SH3D19: variants seen among roughly 807,000 people sequenced by gnomAD.
SH3D19 encodes SH3 domain containing 19.
SH3D19 carries 58 observed loss-of-function variants against 112.1 expected under a neutral mutation model. The ratio of observed to expected loss-of-function variants is 0.52; its 90% CI spans 0.42 to 0.64. SH3D19 has a LOEUF of 0.64. Among genes scored for constraint, SH3D19 ranks in the 30% least tolerant of loss-of-function variants. The pLI, the probability that SH3D19 is intolerant of heterozygous loss-of-function variation, is 0.00. For synonymous variants in SH3D19, 391 were observed against 448.5 expected (o/e 0.87, Z 1.62); for missense variants, 1,090 against 1,263.4 (o/e 0.86, Z 2.08).
intron 1 of SH3D19, among the ~76,000 whole-genome samples, chr4:151,237,506 G>A (rs1471248211): frequency 1.4e-5 from 2 of 147,650 alleles, no homozygotes. Flanking sequence ...GATGTTAAAA[G>A]CAGGAACTCT....
At chr4:151,133,358 C>T in intron 15 of SH3D19, 122 bp from the exon 16 acceptor site, 1 of 764,600 alleles carries the variant, frequency 1.3e-6, no homozygotes, top group South Asian at 1.9e-5. Context: ...GTATACTAGG[C>T]TAATTTGAAA....
chr4:151,261,751 T>C (rs1772392468), intron 1 of SH3D19, among the ~76,000 whole-genome samples: 1 of 152,244 alleles, frequency 6.6e-6, no homozygotes, highest in South Asian at 2.1e-4. Flanking sequence ...TGTTTAGCAA[T>C]AGTGCTGAGA....
At chr4:151,258,296 C>T (rs769125982) in intron 1 of SH3D19, among the ~76,000 whole-genome samples, 2 of 152,210 alleles carry the variant, frequency 1.3e-5, no homozygotes, top group Non-Finnish European at 2.9e-5. Flanking sequence ...AGAAAACTGA[C>T]TGGTTTATTT....
In SH3D19 at chr4:151,148,962, C is replaced by T. The variant is rs189620868; in HGVS notation, c.1817+538G>A. Among the ~76,000 whole-genome samples the T allele has an allele frequency of 8.5e-5, 13 of 152,122 alleles. No homozygotes were observed. In the East Asian group the frequency reaches 2.1e-3, roughly 25 times the overall value. Reference sequence around the variant, plus strand: ...CTGAGGCAGGAGAATCGCTTGAACCCGGGAGGCGGAGGTTGCAGTGAGCTG... The same window carrying T: ...CTGAGGCAGGAGAATCGCTTGAACCTGGGAGGCGGAGGTTGCAGTGAGCTG... On this transcript the variant is annotated intron_variant, in intron 10 of 19. Coordinates refer to ENST00000604030, the MANE Select transcript of SH3D19 (RefSeq NM_001378122.1).
chr4:151,221,174 A>G (rs887659193), intron 2 of SH3D19, among the ~76,000 whole-genome samples: 1 of 152,178 alleles, frequency 6.6e-6, no homozygotes, highest in African/African-American at 2.4e-5. Flanking sequence ...AGATTTATTC[A>G]CCTCTTACTA....
rs533800957 is a variant in SH3D19 at position 151,313,554 on chromosome 4, C to T, written c.112+11687G>A. On this transcript the variant is annotated intron_variant, in intron 1 of 19. Coordinates refer to ENST00000604030, the MANE Select transcript of SH3D19 (RefSeq NM_001378122.1). ...CCCTCACTCTCCTGAGTAGCTGGGA[C>T]TACAGGCACACACCACTGCGCCCAC... 4.7e-4 allele frequency among the ~76,000 whole-genome samples: 72 copies of T among 152,222 alleles called. No homozygotes were observed. The South Asian group carries it at 0.015, about 31-fold the overall frequency.
chr4:151,188,229 A>T (rs559460958), intron 2 of SH3D19, among the ~76,000 whole-genome samples: 1 of 152,246 alleles, frequency 6.6e-6, no homozygotes, highest in Non-Finnish European at 1.5e-5. Flanking sequence ...TGTGTTATAC[A>T]GAGGGAAAGA....
intron 1 of SH3D19, among the ~76,000 whole-genome samples, chr4:151,228,507 A>G (rs1769320450): frequency 6.8e-6 from 1 of 145,992 alleles, no homozygotes; most frequent in Non-Finnish European, 1.5e-5. Context: ...TGTGTGTCTT[A>G]TATACTTATA....
intron 9 of SH3D19, among the ~76,000 whole-genome samples, chr4:151,155,173 T>C (rs1193770416): frequency 2.0e-5 from 3 of 152,222 alleles, no homozygotes; most frequent in Non-Finnish European, 4.4e-5. Context: ...CACTCCTTTT[T>C]ATAACCATTT....
chr4:151,128,485 T>C, intron 17 of SH3D19, 129 bp from the exon 18 acceptor site: 1 of 601,918 alleles, frequency 1.7e-6, no homozygotes. Flanking sequence ...AAGGCTTCTT[T>C]AAATTATCTA....
At chr4:151,185,897 G>A (rs181409574) in intron 3 of SH3D19, among the ~76,000 whole-genome samples, 32 of 152,154 alleles carry the variant, frequency 2.1e-4, no homozygotes, top group Admixed American at 8.5e-4. Context: ...AAAATTAGCC[G>A]GGCATGGTGG....
intron 2 of SH3D19, among the ~76,000 whole-genome samples, chr4:151,208,123 G>T (rs1318683591): frequency 1.3e-5 from 2 of 152,170 alleles, no homozygotes; most frequent in Non-Finnish European, 2.9e-5. Flanking sequence ...CAGTTGATGG[G>T]ACTTTATCAG....
chr4:151,291,481 GGTGA>G, intron 1 of SH3D19: 1 of 1,432,386 alleles, frequency 7.0e-7, no homozygotes, highest in Non-Finnish European at 9.5e-7. Flanking sequence ...GCTAACCCTG[GGTGA>G]CTTTATTTAC....
intron 10 of SH3D19, among the ~76,000 whole-genome samples, 169 bp downstream of exon 10, chr4:151,149,331 A>T (rs1038918569): frequency 5.3e-5 from 8 of 152,228 alleles, no homozygotes; most frequent in African/African-American, 1.9e-4. Context: ...AGAGATTCCC[A>T]CAACCTACCA....
At chr4:151,215,192 G>A (rs62346595) in intron 2 of SH3D19, among the ~76,000 whole-genome samples, 1,656 of 152,302 alleles carry the variant, frequency 0.011, 16 homozygotes, top group Non-Finnish European at 0.018. Flanking sequence ...AAAGTGTTGC[G>A]AATACAGGCA....
intron 1 of SH3D19, among the ~76,000 whole-genome samples, chr4:151,236,056 C>G (rs1770008535): frequency 1.3e-5 from 2 of 152,252 alleles, no homozygotes; most frequent in Admixed American, 6.5e-5. Context: ...TCAGTCTCCC[C>G]TCCAATCCAA....
chr4:151,258,538 C>G (rs1342085295), intron 1 of SH3D19, among the ~76,000 whole-genome samples: 1 of 152,214 alleles, frequency 6.6e-6, no homozygotes, highest in African/African-American at 2.4e-5. Flanking sequence ...GGTCACTAAG[C>G]ACTGAGCGAG....
chr4:151,270,349 T>A (rs1337674652), intron 1 of SH3D19, among the ~76,000 whole-genome samples: 1 of 152,120 alleles, frequency 6.6e-6, no homozygotes, highest in African/African-American at 2.4e-5. Context: ...GTTCATTAAG[T>A]GTATGGCACC....
At position 151,147,911 on chromosome 4, in the gene SH3D19, G is replaced by C. The variant is rs754239230; in HGVS notation, c.2082+11C>G. ...CTCTTGACCACAAACATTTTTAAAA[G>C]CTAAATTTACCATGTATTTACTGTA... On this transcript the variant is annotated intron_variant, in intron 11 of 19. Transcript: ENST00000604030. The C allele has an allele frequency of 1.2e-4, 189 of 1,583,440 alleles. No individual in the cohort carries two copies. Among genetic ancestry groups the C allele is most frequent in the Middle Eastern group, 1.7e-4 (1 of 5,898 alleles).
Sources: gnomAD v4.1 joint callset for allele counts (sites outside exome capture counted in the v4.1 genomes callset) on GRCh38, gnomAD v4.1.1 for gene constraint, MANE v1.5 for transcripts, NCBI Gene and HGNC (gene_info 2026-07-23, HGNC 2026-07-21) for gene names.